The following AGBL4 variants were observed in gnomAD, a reference collection of about 807,000 sequenced individuals.
The protein encoded by AGBL4 is cytosolic carboxypeptidase 6.
A neutral mutation model predicts 66.4 loss-of-function variants in AGBL4; 58 were observed. That is an observed-to-expected ratio of 0.87 (90% confidence interval 0.71 to 1.09). The LOEUF is 1.09. Among genes scored for constraint, AGBL4 ranks in the 50% least tolerant of loss-of-function variants. The pLI is 0.00. For missense variants in AGBL4, 579 were observed against 631.0 expected, an observed-to-expected ratio of 0.92 and a Z score of 0.88; for synonymous variants, 234 against 222.9, an observed-to-expected ratio of 1.05 and a Z score of -0.44.
intron 4 of AGBL4, among the ~76,000 whole-genome samples, chr1:49,221,100 G>A (rs1649461745): frequency 6.6e-6 from 1 of 152,102 alleles, no homozygotes; most frequent in African/African-American, 2.4e-5. Context: ...GAAGTATCTA[G>A]AAATGCATTT....
At chr1:49,064,987 TAAATC>T (rs1224574129) in intron 4 of AGBL4, among the ~76,000 whole-genome samples, 8 of 152,178 alleles carry the variant, frequency 5.3e-5, no homozygotes, top group Admixed American at 3.3e-4. Context: ...CTTCAAAACT[TAAATC>T]AAAGGCCAGG....
At position 49,712,079 on chromosome 1, in the gene AGBL4, T is replaced by C. The variant is rs74948975; in HGVS notation, c.158-14642A>G. ...AATAGCTAGAAGAGTATTTGTCAAA[T>C]AGTAAATTATAGTTATGCCATATAA... On this transcript the variant is annotated intron_variant, in intron 2 of 13. Transcript: ENST00000371839. 1.2e-4 allele frequency among the ~76,000 whole-genome samples: 18 copies of C among 152,080 alleles called. No individual in the cohort carries two copies. In the East Asian group the frequency reaches 3.3e-3, roughly 28 times the overall value.
intron 5 of AGBL4, among the ~76,000 whole-genome samples, chr1:49,043,927 G>C (rs1488591443): frequency 6.6e-6 from 1 of 152,094 alleles, no homozygotes; most frequent in Non-Finnish European, 1.5e-5. Context: ...CAGTCACTAG[G>C]CTGAGTCCAT....
At chr1:49,091,721 C>T (rs1645007035) in intron 4 of AGBL4, among the ~76,000 whole-genome samples, 1 of 152,102 alleles carries the variant, frequency 6.6e-6, no homozygotes, top group African/African-American at 2.4e-5. Context: ...CATAAAAACA[C>T]ATGCACGCAT....
intron 1 of AGBL4, among the ~76,000 whole-genome samples, chr1:50,015,830 A>T (rs951094314): frequency 1.3e-5 from 2 of 152,238 alleles, no homozygotes; most frequent in African/African-American, 4.8e-5. Flanking sequence ...CAGAGGAAGC[A>T]GAAATAAAGC....
chr1:48,803,222 C>A (rs1645848974), intron 6 of AGBL4, among the ~76,000 whole-genome samples: 1 of 152,148 alleles, frequency 6.6e-6, no homozygotes, highest in African/African-American at 2.4e-5. Flanking sequence ...CTTATTTGTC[C>A]ATCTCACACC....
At chr1:49,182,762 C>T (rs1233927580) in intron 4 of AGBL4, among the ~76,000 whole-genome samples, 1 of 151,892 alleles carries the variant, frequency 6.6e-6, no homozygotes, top group African/African-American at 2.4e-5. Flanking sequence ...TGCCTTATAT[C>T]AGGCACTGTG....
intron 6 of AGBL4, among the ~76,000 whole-genome samples, chr1:48,780,926 A>G (rs539789653): frequency 6.6e-6 from 1 of 152,336 alleles, no homozygotes; most frequent in Non-Finnish European, 1.5e-5. Context: ...AAATTGACAA[A>G]TGGGATCTAA....
chr1:49,226,321 G>T (rs1002661812), intron 4 of AGBL4, among the ~76,000 whole-genome samples: 3 of 152,104 alleles, frequency 2.0e-5, no homozygotes, highest in Non-Finnish European at 2.9e-5. Flanking sequence ...GGTGCACAAA[G>T]ATATTAATAT....
At chr1:49,259,107 G>A (rs531415903) in intron 3 of AGBL4, among the ~76,000 whole-genome samples, 3 of 152,056 alleles carry the variant, frequency 2.0e-5, no homozygotes, top group Non-Finnish European at 2.9e-5. Flanking sequence ...AGCAAATGCT[G>A]AGAGACTTTG....
intron 3 of AGBL4, among the ~76,000 whole-genome samples, chr1:49,560,896 T>C (rs1571038008): frequency 6.6e-6 from 1 of 152,066 alleles, no homozygotes; most frequent in African/African-American, 2.4e-5. Context: ...AATAAAGATT[T>C]TCCCAGAAAA....
intron 3 of AGBL4, among the ~76,000 whole-genome samples, chr1:49,605,508 A>G (rs1645047557): frequency 6.6e-6 from 1 of 152,158 alleles, no homozygotes; most frequent in South Asian, 2.1e-4. Flanking sequence ...ATCAATTAAG[A>G]CTAAATGGTG....
At chr1:49,575,239 G>A (rs554676923) in intron 3 of AGBL4, among the ~76,000 whole-genome samples, 8 of 152,264 alleles carry the variant, frequency 5.3e-5, no homozygotes, top group African/African-American at 1.9e-4. Flanking sequence ...GGCTTATGGA[G>A]GTCACATAAT....
intron 3 of AGBL4, among the ~76,000 whole-genome samples, chr1:49,434,625 GT>G (rs1280773085): frequency 3.3e-5 from 5 of 151,904 alleles, no homozygotes; most frequent in Non-Finnish European, 5.9e-5. Flanking sequence ...AGGATTTGGG[GT>G]TGCTATTCCA....
At chr1:49,875,093 T>C (rs1646951607) in intron 1 of AGBL4, among the ~76,000 whole-genome samples, 1 of 149,842 alleles carries the variant, frequency 6.7e-6, no homozygotes, top group African/African-American at 2.4e-5. Context: ...TTTTTGTTCT[T>C]GTGATAGTTT....
chr1:49,885,928 T>C lies in AGBL4; in HGVS notation c.35-34410A>G, dbSNP rs78003742. On this transcript the variant is annotated intron_variant, in intron 1 of 13. Transcript: ENST00000371839. ...AGGCTGAATACTTGGTTGGCCACTTTTGGGGCATATGACCATGGATGAGAC... is the reference window on the plus strand; with the variant it reads ...AGGCTGAATACTTGGTTGGCCACTTCTGGGGCATATGACCATGGATGAGAC... 5.4e-4 allele frequency among the ~76,000 whole-genome samples: 82 copies of C among 152,306 alleles called. No homozygotes were observed. The East Asian group carries it at 0.015, about 27-fold the overall frequency.
At chr1:49,062,595 T>C (rs552475737) in intron 4 of AGBL4, among the ~76,000 whole-genome samples, 1 of 152,324 alleles carries the variant, frequency 6.6e-6, no homozygotes, top group South Asian at 2.1e-4. Flanking sequence ...GTGGAGGCCA[T>C]AGGATACAGC....
intron 1 of AGBL4, among the ~76,000 whole-genome samples, chr1:49,992,499 A>G (rs1282435565): frequency 6.6e-6 from 1 of 151,660 alleles, no homozygotes; most frequent in Non-Finnish European, 1.5e-5. Flanking sequence ...GATAATGGCC[A>G]CAAAACAGCC....
At chr1:49,948,185 TATAA>T (rs1199712153) in intron 1 of AGBL4, among the ~76,000 whole-genome samples, 1 of 98,194 alleles carries the variant, frequency 1.0e-5, no homozygotes, top group African/African-American at 4.1e-5. Flanking sequence ...TATAACTATA[TATAA>T]ATATATATAA....
Sources: allele counts gnomAD v4.1 joint callset (sites outside exome capture counted in the v4.1 genomes callset), GRCh38; gene constraint gnomAD v4.1.1; transcripts MANE v1.5; gene names NCBI Gene and HGNC (gene_info 2026-07-23, HGNC 2026-07-21).